The following ZMYM1 variants were observed in gnomAD, a reference collection of about 807,000 sequenced individuals.
ZMYM1 encodes zinc finger MYM-type protein 1.
ZMYM1 carries 39 observed loss-of-function variants against 60.0 expected under a neutral mutation model. The observed-to-expected ratio is 0.65, with a 90% CI of 0.50 to 0.85. The LOEUF is 0.85. ZMYM1 is among the 40% of genes least tolerant of loss of function. The pLI, the probability that ZMYM1 is intolerant of heterozygous loss-of-function variation, is 0.00. For missense variants in ZMYM1, 1,171 were observed against 1,309.5 expected (o/e 0.89, Z 1.63); for synonymous variants, 413 against 454.0 (o/e 0.91, Z 1.15).
Position 35,110,362 on chromosome 1 carries a change from T to C in ZMYM1, c.876T>C (p.Thr292=), listed in dbSNP as rs1042804171. 1.9e-6 allele frequency: 3 copies of C among 1,597,876 alleles called. No homozygotes were observed. The highest frequency in any genetic ancestry group is 1.4e-5 in the African/African-American group (1 of 73,952). ...PLKPSDEMIE[T]TSDLGKTELF... is the part of the protein sequence containing the mutation. ...AGCCCTCAGATGAAATGATTGAGAC[T>C]ACGAGTGATTTGGGGAAGACAGAGC... The change falls in exon 7 of 10, where the codon ACT becomes ACC. Residue 292 remains threonine (T), a synonymous_variant. Transcript: ENST00000359858.
intron 4 of ZMYM1, among the ~76,000 whole-genome samples, chr1:35,099,917 G>A (rs1024191685): frequency 4.6e-5 from 7 of 151,550 alleles, no homozygotes; most frequent in Non-Finnish European, 5.9e-5. Flanking sequence ...ACGGAGTCTC[G>A]TCTCAATCTG....
chr1:35,094,583 A>G (rs1643206820), intron 2 of ZMYM1, among the ~76,000 whole-genome samples: 1 of 152,206 alleles, frequency 6.6e-6, no homozygotes, highest in South Asian at 2.1e-4. Context: ...GGCCAGGCAC[A>G]GTGGCTCACA....
At chr1:35,080,110 T>A (rs930854179) in intron 1 of ZMYM1, among the ~76,000 whole-genome samples, 3 of 125,914 alleles carry the variant, frequency 2.4e-5, no homozygotes, top group African/African-American at 8.7e-5. Context: ...AAAAAAAAAA[T>A]GAAATGTTTG....
At chr1:35,107,470 G>GAAA (rs1324993843) in intron 6 of ZMYM1, among the ~76,000 whole-genome samples, 1 of 129,050 alleles carries the variant, frequency 7.7e-6, no homozygotes, top group East Asian at 2.3e-4. Context: ...CTCTGTCTCA[G>GAAA]AAAAAAAAAA....
chr1:35,082,537 G>A (rs1224307754), intron 1 of ZMYM1, among the ~76,000 whole-genome samples: 1 of 150,868 alleles, frequency 6.6e-6, no homozygotes, highest in Non-Finnish European at 1.5e-5. Context: ...CACCATGTTG[G>A]CCAGGCTGGT....
Position 35,097,359 on chromosome 1 carries a change from C to G in ZMYM1, c.212C>G (p.Ser71Cys). 6.2e-7 allele frequency: 1 copy of G among 1,613,568 alleles called. No homozygotes were observed. Among genetic ancestry groups the G allele is most frequent in the Non-Finnish European group, 8.5e-7 (1 of 1,179,714 alleles). The change falls in exon 4 of 10, where the codon TCT becomes TGT. Residue 71 changes from serine to cysteine, a missense_variant. Physicochemically the swap from Ser to Cys is moderately radical, Grantham distance 112. Transcript: ENST00000359858. Reference protein sequence around the residue: ...TAGIQLSLASSGVNKMLPSVS... With the variant: ...TAGIQLSLASCGVNKMLPSVS... ...GGCATTCAGCTTTCTCTGGCATCAT[C>G]TGGCGTGAATAAAATGCTTCCTTCA...
At chr1:35,064,686 CTTTTTTTTT>C (rs34080777) in intron 1 of ZMYM1, among the ~76,000 whole-genome samples, 13 of 113,004 alleles carry the variant, frequency 1.2e-4, no homozygotes, top group African/African-American at 5.2e-4. Flanking sequence ...CAATATATTT[CTTTTTTTTT>C]TTTTTTTTTT....
At chr1:35,098,771 G>T (rs1643477199) in intron 4 of ZMYM1, among the ~76,000 whole-genome samples, 1 of 152,142 alleles carries the variant, frequency 6.6e-6, no homozygotes, top group African/African-American at 2.4e-5. Context: ...GCTGAGCACT[G>T]TGGCATGCAC....
Position 35,094,041 on chromosome 1 carries a change from G to C in ZMYM1, c.54G>C (p.Leu18=). The change falls in exon 2 of 10, where the codon CTG becomes CTC. Residue 18 remains leucine (L), a synonymous_variant. Transcript: ENST00000359858. Reference sequence around the variant, plus strand: ...GTGACAAGGCAGTGGCATCACAGCTGGGGCTGCTAGATGAAATTAAGACAG... The same window carrying C: ...GTGACAAGGCAGTGGCATCACAGCTCGGGCTGCTAGATGAAATTAAGACAG... The part of the protein sequence containing the change: ...GECDKAVASQ[L]GLLDEIKTEP... 6.2e-7 allele frequency: 1 copy of C among 1,610,908 alleles called. No individual in the cohort carries two copies. Among genetic ancestry groups the C allele is most frequent in the Non-Finnish European group, 8.5e-7 (1 of 1,178,276 alleles).
chr1:35,074,440 G>A (rs560854187), upstream of ZMYM1, among the ~76,000 whole-genome samples: 1 of 151,388 alleles, frequency 6.6e-6, no homozygotes, highest in African/African-American at 2.4e-5. Flanking sequence ...TTTTTTTTGA[G>A]ACTCTGTCAC....
At chr1:35,095,703 GT>G (rs1314387341) in intron 2 of ZMYM1, 115 bp from the exon 3 acceptor site, 1 of 842,220 alleles carries the variant, frequency 1.2e-6, no homozygotes, top group Non-Finnish European at 1.8e-6. Context: ...GTTCAATTCA[GT>G]TATACAATTC....
At chr1:35,115,884 A>AC (rs1644243582), downstream of ZMYM1, 1 of 152,202 alleles carries the variant, frequency 6.6e-6, no homozygotes, top group South Asian at 2.1e-4. Context: ...CTAATCTCTT[A>AC]CTTTAAAAAT....
At chr1:35,064,689 T>C (rs2148475127) in intron 1 of ZMYM1, among the ~76,000 whole-genome samples, 1 of 141,904 alleles carries the variant, frequency 7.0e-6, no homozygotes, top group South Asian at 2.3e-4. Flanking sequence ...TATATTTCTT[T>C]TTTTTTTTTT....
rs771287711 is a variant in ZMYM1 at position 35,113,825 on chromosome 1, C to T, written c.1995C>T (p.Tyr665=). ...AACAGCTTTCAATTTGTGTAAGATA[C>T]CCACAAAAATCATCAAAGGCTATCT... ...MKEQLSICVR[Y]PQKSSKAILI... is the part of the protein sequence containing the mutation. Residue 665 remains tyrosine, a synonymous_variant, in exon 10 of 10, where the codon TAC becomes TAT. Coordinates refer to ENST00000359858, the MANE Select transcript of ZMYM1 (RefSeq NM_024772.5). 10 of 1,613,504 alleles carry T rather than the reference C, an allele frequency of 6.2e-6. No homozygotes were observed. The South Asian group carries it at 6.6e-5, about 11-fold the overall frequency.
intron 1 of ZMYM1, among the ~76,000 whole-genome samples, chr1:35,087,589 G>A (rs1437916845): frequency 6.6e-6 from 1 of 151,780 alleles, no homozygotes; most frequent in Non-Finnish European, 1.5e-5. Context: ...ACCACGCTCG[G>A]CTAATTTTTT....
upstream of ZMYM1, among the ~76,000 whole-genome samples, chr1:35,075,481 GTTT>G (rs1642151140): frequency 6.6e-6 from 1 of 151,930 alleles, no homozygotes; most frequent in Non-Finnish European, 1.5e-5. Context: ...CCCCGGATTG[GTTT>G]ATAGATGGCA....
intron 4 of ZMYM1, among the ~76,000 whole-genome samples, chr1:35,102,979 G>T (rs1278046075): frequency 6.6e-6 from 1 of 152,090 alleles, no homozygotes; most frequent in Admixed American, 6.6e-5. Context: ...ACTTTAAAAA[G>T]AATTTTTTTT....
In ZMYM1 at chr1:35,087,665, T is replaced by A. The variant is rs145119659; in HGVS notation, c.-74-6249T>A. Among the ~76,000 whole-genome samples, 852 of 152,206 alleles carry A rather than the reference T, an allele frequency of 5.6e-3. 6 individuals are homozygous for A. The highest frequency in any genetic ancestry group is 0.019 in the African/African-American group (810 of 41,562). ...CTGGTCTCGAACTCCCAACCTCAGG[T>A]GATCAGCCCGCGTTGGCCTCCCAAA... On this transcript the variant is annotated intron_variant, in intron 1 of 9. Coordinates refer to ENST00000359858, the MANE Select transcript of ZMYM1 (RefSeq NM_024772.5).
At chr1:35,107,324 C>T (rs1216677998) in intron 6 of ZMYM1, among the ~76,000 whole-genome samples, 1 of 148,594 alleles carries the variant, frequency 6.7e-6, no homozygotes, top group Non-Finnish European at 1.5e-5. Context: ...AAAAAATTAG[C>T]GGGGTGTGGT....
Sources: gnomAD v4.1 joint callset for allele counts (sites outside exome capture counted in the v4.1 genomes callset) on GRCh38, gnomAD v4.1.1 for gene constraint, MANE v1.5 for transcripts, NCBI Gene and HGNC (gene_info 2026-07-23, HGNC 2026-07-21) for gene names.